DPYD: variants seen among roughly 807,000 people sequenced by gnomAD.
The protein encoded by DPYD is dihydropyrimidine dehydrogenase.
A neutral mutation model predicts 116.2 loss-of-function variants in DPYD; 109 were observed. That is an observed-to-expected ratio of 0.94 (90% confidence interval 0.80 to 1.10). DPYD has a LOEUF of 1.10. Ranked by LOEUF, DPYD falls within the 50% of genes least tolerant of loss-of-function variation. The pLI, the probability that DPYD is intolerant of heterozygous loss-of-function variation, is 0.00. For missense variants in DPYD, 1,302 were observed against 1,254.5 expected, an observed-to-expected ratio of 1.04 and a Z score of -0.57; for synonymous variants, 440 against 432.0, an observed-to-expected ratio of 1.02 and a Z score of -0.23.
At chr1:97,095,607 T>C (rs754457701) in intron 21 of DPYD, among the ~76,000 whole-genome samples, 22 of 142,606 alleles carry the variant, frequency 1.5e-4, no homozygotes, top group Non-Finnish European at 3.0e-4. Flanking sequence ...ATTACACAAA[T>C]TAAAGCTTCT....
intron 18 of DPYD, among the ~76,000 whole-genome samples, chr1:97,261,222 T>G (rs948796033): frequency 6.6e-6 from 1 of 152,062 alleles, no homozygotes; most frequent in Non-Finnish European, 1.5e-5. Context: ...AGAAAAGGCT[T>G]TTAATATAAA....
chr1:97,194,302 C>A (rs1014827800), intron 19 of DPYD, among the ~76,000 whole-genome samples: 1 of 152,034 alleles, frequency 6.6e-6, no homozygotes, highest in Admixed American at 6.5e-5. Flanking sequence ...AGTGAGCTCT[C>A]ACACAATCTG....
At chr1:97,415,709 C>T (rs1674253938) in intron 14 of DPYD, among the ~76,000 whole-genome samples, 1 of 152,166 alleles carries the variant, frequency 6.6e-6, no homozygotes. Context: ...ATTTTCCATG[C>T]TTTATTACTG....
At chr1:97,671,528 T>C (rs1659859037) in intron 8 of DPYD, among the ~76,000 whole-genome samples, 1 of 152,170 alleles carries the variant, frequency 6.6e-6, no homozygotes, top group African/African-American at 2.4e-5. Context: ...TAAAAGAGGA[T>C]GCTTGGAAAG....
chr1:97,625,736 T>C (rs1490778718), intron 8 of DPYD, among the ~76,000 whole-genome samples: 1 of 151,912 alleles, frequency 6.6e-6, no homozygotes, highest in Non-Finnish European at 1.5e-5. Flanking sequence ...AAACCAACTC[T>C]GCTGCCACCG....
At chr1:97,549,229 T>A (rs952176154) in intron 12 of DPYD, among the ~76,000 whole-genome samples, 1 of 151,886 alleles carries the variant, frequency 6.6e-6, no homozygotes, top group Non-Finnish European at 1.5e-5. Context: ...ACCATGCCCA[T>A]CTAATTTTTT....
chr1:97,580,934 T>A (rs1031121652), intron 10 of DPYD, among the ~76,000 whole-genome samples: 2 of 152,102 alleles, frequency 1.3e-5, no homozygotes, highest in African/African-American at 2.4e-5. Context: ...GGAGTTTAAC[T>A]CGCATTTGGG....
chr1:97,528,091 A>C (rs1649287452), intron 12 of DPYD, among the ~76,000 whole-genome samples: 1 of 152,228 alleles, frequency 6.6e-6, no homozygotes, highest in African/African-American at 2.4e-5. Context: ...GGATTAATGC[A>C]TTAATAATTA....
At chr1:97,547,746 T>C (rs1257100639) in intron 12 of DPYD, among the ~76,000 whole-genome samples, 1 of 152,020 alleles carries the variant, frequency 6.6e-6, no homozygotes, top group African/African-American at 2.4e-5. Flanking sequence ...AGTGGTGTGA[T>C]CATAGCTCAC....
intron 19 of DPYD, among the ~76,000 whole-genome samples, chr1:97,232,776 G>C (rs1345754878): frequency 6.6e-6 from 1 of 151,876 alleles, no homozygotes; most frequent in Non-Finnish European, 1.5e-5. Flanking sequence ...CTATTTCTTT[G>C]ATGAGACTTT....
At chr1:97,648,318 A>T (rs542149122) in intron 8 of DPYD, among the ~76,000 whole-genome samples, 1 of 151,982 alleles carries the variant, frequency 6.6e-6, no homozygotes, top group African/African-American at 2.4e-5. Context: ...AAGACATTAT[A>T]AGCAAACTGA....
intron 19 of DPYD, among the ~76,000 whole-genome samples, chr1:97,231,866 C>A (rs1242536184): frequency 6.6e-6 from 1 of 152,162 alleles, no homozygotes; most frequent in Non-Finnish European, 1.5e-5. Flanking sequence ...TGACAATGAG[C>A]AAGAGTCTCT....
At chr1:97,582,221 A>G (rs772037736) in intron 10 of DPYD, among the ~76,000 whole-genome samples, 1 of 152,238 alleles carries the variant, frequency 6.6e-6, no homozygotes, top group Non-Finnish European at 1.5e-5. Context: ...CATGACTTAG[A>G]GACCACATGT....
intron 3 of DPYD, among the ~76,000 whole-genome samples, chr1:97,760,412 A>G (rs1665507640): frequency 1.3e-5 from 2 of 152,114 alleles, no homozygotes; most frequent in African/African-American, 2.4e-5. Context: ...TCAAAAATAA[A>G]TTTCAAAAAA....
chr1:97,895,018 G>A (rs553286629), intron 1 of DPYD, among the ~76,000 whole-genome samples: 1 of 151,296 alleles, frequency 6.6e-6, no homozygotes, highest in South Asian at 2.1e-4. Context: ...AAGTTGATAG[G>A]GATTATTACG....
intron 16 of DPYD, among the ~76,000 whole-genome samples, chr1:97,338,917 T>C (rs1467744927): frequency 1.3e-5 from 2 of 152,152 alleles, no homozygotes; most frequent in African/African-American, 4.8e-5. Flanking sequence ...AACAGGTAGC[T>C]ACTATTAAGG....
At chr1:97,725,730 T>C (rs1223808888) in intron 4 of DPYD, among the ~76,000 whole-genome samples, 1 of 151,662 alleles carries the variant, frequency 6.6e-6, no homozygotes, top group African/African-American at 2.4e-5. Flanking sequence ...TGCTGGAATA[T>C]CTGAATATTC....
chr1:97,845,969 C>G (rs1670280388), intron 2 of DPYD, among the ~76,000 whole-genome samples: 1 of 152,248 alleles, frequency 6.6e-6, no homozygotes, highest in African/African-American at 2.4e-5. Context: ...GCAAGCATCC[C>G]TGGCTGTGTG....
At chr1:97,710,152 T>A (rs1043384153) in intron 5 of DPYD, among the ~76,000 whole-genome samples, 2 of 151,854 alleles carry the variant, frequency 1.3e-5, no homozygotes, top group African/African-American at 4.8e-5. Flanking sequence ...AAATAATACA[T>A]CAGTTTTTCT....
Sources: gnomAD v4.1 joint callset for allele counts (sites outside exome capture counted in the v4.1 genomes callset) on GRCh38, gnomAD v4.1.1 for gene constraint, MANE v1.5 for transcripts, NCBI Gene and HGNC (gene_info 2026-07-23, HGNC 2026-07-21) for gene names.